The following XRN2 variants were observed in gnomAD, a reference collection of about 807,000 sequenced individuals.
XRN2 encodes the protein DHM1-like protein.
In XRN2, 44 loss-of-function variants were observed where a neutral mutation model predicts 138.5. The observed-to-expected ratio is 0.32, with a 90% confidence interval of 0.25 to 0.41. The LOEUF (loss-of-function observed/expected upper bound fraction) is 0.41. Among genes scored for constraint, XRN2 ranks in the 10% least tolerant of loss-of-function variants. The pLI, the probability that XRN2 is intolerant of heterozygous loss-of-function variation, is 1.00. For synonymous variants in XRN2, 354 were observed against 369.4 expected (o/e 0.96, Z 0.48); for missense variants, 937 against 1,169.3 (o/e 0.80, Z 2.90).
At chr20:21,320,299 T>G (rs1418275588) in intron 1 of XRN2, among the ~76,000 whole-genome samples, 1 of 151,124 alleles carries the variant, frequency 6.6e-6, no homozygotes, top group Non-Finnish European at 1.5e-5. Context: ...ATTTATGTAT[T>G]TATTTATTTA....
chr20:21,337,082 G>A (rs945818007), intron 13 of XRN2, among the ~76,000 whole-genome samples: 2 of 152,168 alleles, frequency 1.3e-5, no homozygotes, highest in African/African-American at 4.8e-5. Flanking sequence ...GACCCAACAG[G>A]TCATCATAGG....
intron 1 of XRN2, among the ~76,000 whole-genome samples, chr20:21,305,777 G>T (rs1310787316): frequency 1.7e-5 from 1 of 58,848 alleles, no homozygotes; most frequent in African/African-American, 4.7e-5. Context: ...ACGGAGCCTC[G>T]CTCTGTCTCC....
intron 9 of XRN2, among the ~76,000 whole-genome samples, chr20:21,333,057 G>A (rs192451916): frequency 6.6e-6 from 1 of 152,092 alleles, no homozygotes; most frequent in African/African-American, 2.4e-5. Flanking sequence ...CAAAGACATC[G>A]TTAAGTGAAA....
intron 15 of XRN2, among the ~76,000 whole-genome samples, chr20:21,343,390 C>T (rs1221163264): frequency 2.0e-5 from 3 of 151,988 alleles, no homozygotes; most frequent in Non-Finnish European, 4.4e-5. Flanking sequence ...TTTAAAGTGA[C>T]AGCTAAGTCT....
chr20:21,309,917 T>C (rs910087939), intron 1 of XRN2, among the ~76,000 whole-genome samples: 7 of 152,180 alleles, frequency 4.6e-5, no homozygotes, highest in Admixed American at 1.3e-4. Context: ...TTTGGTTTCA[T>C]TGATTTTCTT....
intron 28 of XRN2, among the ~76,000 whole-genome samples, chr20:21,386,320 G>C (rs1210979983): frequency 6.6e-6 from 1 of 152,128 alleles, no homozygotes; most frequent in Admixed American, 6.5e-5. Context: ...AACTTGAAAA[G>C]GTTTCCTCCC....
chr20:21,382,183 C>A (rs6113217), intron 28 of XRN2, 126 bp downstream of exon 28: 13,602 of 644,832 alleles, frequency 0.021, 190 homozygotes, highest in Non-Finnish European at 0.029. Context: ...AACAATTTCC[C>A]TTGTGCCTAT....
chr20:21,338,816 C>G (rs976930870), intron 13 of XRN2, among the ~76,000 whole-genome samples: 5 of 152,112 alleles, frequency 3.3e-5, no homozygotes, highest in African/African-American at 1.2e-4. Flanking sequence ...GCTTTCTGAA[C>G]AGAATTACCA....
chr20:21,387,057 G>T, intron 29 of XRN2, 51 bp downstream of exon 29: 1 of 1,566,756 alleles, frequency 6.4e-7, no homozygotes, highest in African/African-American at 1.3e-5. Flanking sequence ...ATTTCAACAA[G>T]CCTCACAGGA....
intron 17 of XRN2, among the ~76,000 whole-genome samples, chr20:21,346,882 A>G (rs2038443458): frequency 6.6e-6 from 1 of 152,040 alleles, no homozygotes; most frequent in Non-Finnish European, 1.5e-5. Context: ...CTCCTAAAGT[A>G]GTGGGATTAC....
chr20:21,333,052 A>G (rs1235010978), intron 9 of XRN2, among the ~76,000 whole-genome samples: 1 of 152,186 alleles, frequency 6.6e-6, no homozygotes, highest in Non-Finnish European at 1.5e-5. Flanking sequence ...TCTTTCAAAG[A>G]CATCGTTAAG....
At chr20:21,373,920 C>T (rs746772761) in intron 27 of XRN2, among the ~76,000 whole-genome samples, 5 of 151,960 alleles carry the variant, frequency 3.3e-5, no homozygotes, top group African/African-American at 4.8e-5. Flanking sequence ...TTTGCCTTTT[C>T]GCTTTATTAT....
intron 1 of XRN2, among the ~76,000 whole-genome samples, chr20:21,319,143 C>T (rs1344253770): frequency 3.3e-5 from 5 of 151,932 alleles, no homozygotes; most frequent in Non-Finnish European, 4.4e-5. Flanking sequence ...CCCTCTTTAC[C>T]TCCAGTAACA....
chr20:21,330,381 C>G (rs2038190538), intron 4 of XRN2, 100 bp from the exon 5 acceptor site: 1 of 1,229,268 alleles, frequency 8.1e-7, no homozygotes, highest in Admixed American at 2.4e-5. Context: ...ACTTCACTTT[C>G]TTTTGTAGTG....
chr20:21,309,811 A>T (rs1398912788), intron 1 of XRN2, among the ~76,000 whole-genome samples: 1 of 151,614 alleles, frequency 6.6e-6, no homozygotes, highest in African/African-American at 2.4e-5. Context: ...TAGAATCTGT[A>T]GTGATGTTAC....
At chr20:21,360,884 A>G (rs988364326) in intron 24 of XRN2, among the ~76,000 whole-genome samples, 1 of 152,176 alleles carries the variant, frequency 6.6e-6, no homozygotes, top group Admixed American at 6.5e-5. Flanking sequence ...TCACAATCCT[A>G]TAAACTCTTT....
At position 21,303,869 on chromosome 20, in the gene XRN2, T is replaced by A. The variant is rs1015068459; in HGVS notation, c.75+396T>A. On this transcript the variant is annotated intron_variant, in intron 1 of 29. Coordinates refer to ENST00000377191, the MANE Select transcript of XRN2 (RefSeq NM_012255.5). ...CCAGGTCAGCTGAGCTAGCGGGTTA[T>A]GGATGCACGGATTCGGAGGCCAGCT... 8 of 985,030 alleles carry A rather than the reference T, an allele frequency of 8.1e-6. No homozygotes were observed. The Admixed American group carries it at 3.7e-4, about 45-fold the overall frequency. 61.0% of individuals were successfully genotyped at this position (985,030 alleles called of 1,614,324 possible).
intron 3 of XRN2, 108 bp downstream of exon 3, chr20:21,326,709 T>C: frequency 1.2e-6 from 1 of 866,920 alleles, no homozygotes; most frequent in South Asian, 1.8e-5. Flanking sequence ...AGTGATGAAC[T>C]TGAGAAAGAA....
At chr20:21,303,905 C>T (rs2037777585) in intron 1 of XRN2, 1 of 966,522 alleles carries the variant, frequency 1.0e-6, no homozygotes, top group African/African-American at 1.8e-5. Context: ...TTTTGACAAC[C>T]TTGTAAAGGA....
Sources: gnomAD v4.1 joint callset for allele counts (sites outside exome capture counted in the v4.1 genomes callset) on GRCh38, gnomAD v4.1.1 for gene constraint, MANE v1.5 for transcripts, NCBI Gene and HGNC (gene_info 2026-07-23, HGNC 2026-07-21) for gene names.